EPHA4: variants seen among roughly 807,000 people sequenced by gnomAD.
The protein encoded by EPHA4 is ephrin type-A receptor 4.
A neutral mutation model predicts 108.3 loss-of-function variants in EPHA4; 19 were observed. The observed-to-expected ratio is 0.18, with a 90% CI of 0.12 to 0.26. The LOEUF (loss-of-function observed/expected upper bound fraction) is 0.26. Among genes scored for constraint, EPHA4 ranks in the 10% least tolerant of loss-of-function variants. The pLI, the probability that EPHA4 is intolerant of heterozygous loss-of-function variation, is 1.00. For missense variants in EPHA4, 917 were observed against 1,254.0 expected (o/e 0.73, Z 4.06); for synonymous variants, 449 against 455.5 (o/e 0.99, Z 0.18).
At chr2:221,548,590 TAGC>T (rs1482820732) in intron 3 of EPHA4, among the ~76,000 whole-genome samples, 1 of 152,066 alleles carries the variant, frequency 6.6e-6, no homozygotes, top group East Asian at 1.9e-4. Context: ...TCTTTCTTTA[TAGC>T]AATACAAGAA....
chr2:221,506,545 C>T (rs1476353202), intron 3 of EPHA4, among the ~76,000 whole-genome samples: 1 of 152,176 alleles, frequency 6.6e-6, no homozygotes, highest in Non-Finnish European at 1.5e-5. Context: ...TAGATCTCTG[C>T]TTTCTCTTTT....
Position 221,436,571 on chromosome 2 carries a change from C to G in EPHA4, c.2174G>C (p.Gly725Ala). Reference sequence around the variant, plus strand: ...CCCAGACCCAATGCCACGAAGCATGCCCACCAGCTGAATGACTGTAAATCT... The same window carrying G: ...CCCAGACCCAATGCCACGAAGCATGGCCACCAGCTGAATGACTGTAAATCT... ...DGRFTVIQLV[G>A]MLRGIGSGMK... Residue 725 changes from glycine to alanine, a missense_variant, in exon 13 of 18, where the codon GGC becomes GCC. By Grantham distance (60) the Gly-to-Ala change is moderately conservative. Transcript: ENST00000281821. The G allele has an allele frequency of 1.9e-6, 3 of 1,614,138 alleles. No individual in the cohort carries two copies. The highest frequency in any genetic ancestry group is 1.7e-6 in the Non-Finnish European group (2 of 1,180,028).
At chr2:221,548,352 G>T (rs1249089547) in intron 3 of EPHA4, among the ~76,000 whole-genome samples, 1 of 151,362 alleles carries the variant, frequency 6.6e-6, no homozygotes, top group African/African-American at 2.4e-5. Context: ...GACAGAGCGA[G>T]AGTCCGTCTC....
At chr2:221,501,257 G>A (rs1692481556) in intron 3 of EPHA4, 85 bp from the exon 4 acceptor site, 2 of 1,209,204 alleles carry the variant, frequency 1.7e-6, no homozygotes, top group African/African-American at 3.1e-5. Flanking sequence ...CCTTGTTTCA[G>A]AAGAAGGGAG....
chr2:221,497,678 G>T, intron 4 of EPHA4, among the ~76,000 whole-genome samples: 1 of 151,680 alleles, frequency 6.6e-6, no homozygotes, highest in Non-Finnish European at 1.5e-5. Flanking sequence ...GGAGGTTGCA[G>T]TGAGCCGAGA....
At position 221,437,005 on chromosome 2, in the gene EPHA4, G is replaced by C. The variant is rs79006310; in HGVS notation, c.2136+56C>G. Reference sequence around the variant, plus strand: ...CGAACACAACAAACACAAGGACTCTGTTAGGAGTTTTCTAAATACCAACAT... The same window carrying C: ...CGAACACAACAAACACAAGGACTCTCTTAGGAGTTTTCTAAATACCAACAT... On this transcript the variant is annotated intron_variant, in intron 12 of 17. Transcript: ENST00000281821. The C allele has an allele frequency of 4.4e-4, 578 of 1,312,388 alleles. 3 individuals are homozygous for C. In the African/African-American group the frequency reaches 7.6e-3, roughly 17 times the overall value. 81.3% of individuals were successfully genotyped at this position (1,312,388 alleles called of 1,614,324 possible).
At chr2:221,486,123 G>T (rs1055088931) in intron 4 of EPHA4, among the ~76,000 whole-genome samples, 59 of 152,050 alleles carry the variant, frequency 3.9e-4, no homozygotes, top group African/African-American at 1.4e-3. Flanking sequence ...ACAAATATGA[G>T]GTTTATAACA....
intron 2 of EPHA4, among the ~76,000 whole-genome samples, chr2:221,567,898 A>G (rs1173343674): frequency 6.6e-6 from 1 of 152,204 alleles, no homozygotes. Context: ...TTAATTTTAA[A>G]AGGATTTGAG....
chr2:221,548,094 G>A (rs1008729521), intron 3 of EPHA4, among the ~76,000 whole-genome samples: 12 of 152,138 alleles, frequency 7.9e-5, no homozygotes, highest in Middle Eastern at 3.2e-3. Context: ...GGAGGTGATC[G>A]GATCATGGGG....
At chr2:221,446,437 T>A (rs1474875007) in intron 8 of EPHA4, among the ~76,000 whole-genome samples, 7 of 152,074 alleles carry the variant, frequency 4.6e-5, no homozygotes, top group Admixed American at 6.6e-5. Flanking sequence ...TTAAAGCAAA[T>A]ATTTTATAAT....
At chr2:221,536,174 C>A (rs993706959) in intron 3 of EPHA4, among the ~76,000 whole-genome samples, 1 of 152,182 alleles carries the variant, frequency 6.6e-6, no homozygotes, top group African/African-American at 2.4e-5. Context: ...AGCTACCGGG[C>A]ACCCTGTGGA....
intron 5 of EPHA4, among the ~76,000 whole-genome samples, chr2:221,468,164 G>A (rs1691368519): frequency 6.6e-6 from 1 of 151,660 alleles, no homozygotes; most frequent in Non-Finnish European, 1.5e-5. Context: ...ACAGGATGGT[G>A]AACCTTCACC....
intron 3 of EPHA4, among the ~76,000 whole-genome samples, chr2:221,540,605 G>C (rs1693805852): frequency 6.6e-6 from 1 of 152,150 alleles, no homozygotes; most frequent in Non-Finnish European, 1.5e-5. Flanking sequence ...AGTAGGAAAG[G>C]CAATCACTGT....
At chr2:221,457,164 G>T (rs1258227640) in intron 6 of EPHA4, among the ~76,000 whole-genome samples, 4 of 152,078 alleles carry the variant, frequency 2.6e-5, no homozygotes, top group Non-Finnish European at 4.4e-5. Context: ...TTGTAACATG[G>T]TTTCAATGGG....
intron 3 of EPHA4, among the ~76,000 whole-genome samples, chr2:221,517,169 G>C (rs1222351072): frequency 6.6e-6 from 1 of 152,130 alleles, no homozygotes; most frequent in African/African-American, 2.4e-5. Context: ...GGATGGGGCT[G>C]GGAAGGTGGT....
chr2:221,531,975 G>T (rs1693533605), intron 3 of EPHA4, among the ~76,000 whole-genome samples: 1 of 152,144 alleles, frequency 6.6e-6, no homozygotes, highest in Non-Finnish European at 1.5e-5. Context: ...ACAAGGACCT[G>T]CAGCCCCATC....
intron 6 of EPHA4, among the ~76,000 whole-genome samples, chr2:221,457,198 T>C (rs1268387710): frequency 6.6e-6 from 1 of 152,166 alleles, no homozygotes; most frequent in Non-Finnish European, 1.5e-5. Context: ...TTTTCTACTT[T>C]TAATAAGGAA....
intron 3 of EPHA4, among the ~76,000 whole-genome samples, chr2:221,505,004 C>A (rs1379186928): frequency 6.6e-6 from 1 of 152,112 alleles, no homozygotes; most frequent in Non-Finnish European, 1.5e-5. Context: ...ATTTGTTCCC[C>A]CAGCCCATCC....
chr2:221,561,851 A>C (rs1694476197), intron 3 of EPHA4, among the ~76,000 whole-genome samples: 1 of 152,258 alleles, frequency 6.6e-6, no homozygotes, highest in South Asian at 2.1e-4. Flanking sequence ...ACATTTTAGC[A>C]GGAAATGGAA....
Sources: allele counts gnomAD v4.1 joint callset (sites outside exome capture counted in the v4.1 genomes callset), GRCh38; gene constraint gnomAD v4.1.1; transcripts MANE v1.5; gene names NCBI Gene and HGNC (gene_info 2026-07-23, HGNC 2026-07-21).